NTRK3: variants seen among roughly 807,000 people sequenced by gnomAD.
NTRK3 encodes the protein NT-3 growth factor receptor.
In NTRK3, 24 loss-of-function variants were observed where a neutral mutation model predicts 91.7. The ratio of observed to expected loss-of-function variants is 0.26; its 90% CI spans 0.19 to 0.37. The LOEUF is 0.37. Ranked by LOEUF, NTRK3 falls within the 10% of genes least tolerant of loss-of-function variation. The probability of loss-of-function intolerance (pLI) is 1.00; values close to 1 mark genes in which losing one functional copy is unlikely to be tolerated. For synonymous variants in NTRK3, 483 were observed against 404.0 expected, an observed-to-expected ratio of 1.20 and a Z score of -2.34; for missense variants, 880 against 1,068.9, an observed-to-expected ratio of 0.82 and a Z score of 2.46.
rs114218219 is a variant in NTRK3 at position 88,196,084 on chromosome 15, T to A, written c.249-11785A>T. On this transcript the variant is annotated intron_variant, in intron 3 of 18. Transcript: ENST00000394480. The stretch of plus-strand genomic sequence containing the variant: ...CTCAAGTGCATTGCATAAAGACTTA[T>A]GAGGGCAATATTTTCGCCCATTAAA... 5.5e-3 allele frequency among the ~76,000 whole-genome samples: 834 copies of A among 152,344 alleles called. 10 individuals are homozygous for A. Among genetic ancestry groups the A allele is most frequent in the African/African-American group, 0.019 (783 of 41,584 alleles).
At chr15:88,093,902 A>G (rs926818414) in intron 13 of NTRK3, among the ~76,000 whole-genome samples, 1 of 152,166 alleles carries the variant, frequency 6.6e-6, no homozygotes, top group Admixed American at 6.5e-5. Context: ...GACTGTCTCA[A>G]CAGCACGAGG....
At chr15:88,004,311 T>C (rs2076332701) in intron 14 of NTRK3, among the ~76,000 whole-genome samples, 1 of 152,072 alleles carries the variant, frequency 6.6e-6, no homozygotes, top group South Asian at 2.1e-4. Context: ...ACAAAAGTTA[T>C]AAACTATAGG....
At chr15:88,075,463 G>A (rs561423970) in intron 13 of NTRK3, among the ~76,000 whole-genome samples, 48 of 152,200 alleles carry the variant, frequency 3.2e-4, no homozygotes, top group South Asian at 8.3e-4. Flanking sequence ...AATAGACAAC[G>A]CCCTGAAAGG....
intron 17 of NTRK3, among the ~76,000 whole-genome samples, chr15:87,916,033 A>C (rs2067424947): frequency 6.6e-6 from 1 of 152,160 alleles, no homozygotes; most frequent in Non-Finnish European, 1.5e-5. Flanking sequence ...AAAACAACCG[A>C]GAGTAAAAAC....
chr15:88,072,255 C>A (rs1322800133), intron 13 of NTRK3, among the ~76,000 whole-genome samples: 2 of 152,092 alleles, frequency 1.3e-5, no homozygotes, highest in Non-Finnish European at 2.9e-5. Context: ...CCGACTGCCT[C>A]AGCCTCCCAA....
chr15:87,883,513 A>G (rs1323445755), intron 17 of NTRK3, among the ~76,000 whole-genome samples: 1 of 151,130 alleles, frequency 6.6e-6, no homozygotes, highest in Non-Finnish European at 1.5e-5. Flanking sequence ...GATCAAGAAG[A>G]CAACATAAAT....
chr15:87,995,137 G>T (rs188567914), intron 14 of NTRK3, among the ~76,000 whole-genome samples: 1 of 152,276 alleles, frequency 6.6e-6, no homozygotes, highest in East Asian at 1.9e-4. Context: ...AAATTCATAG[G>T]AATTACACAC....
chr15:87,916,083 C>G (rs2067428366), intron 17 of NTRK3, among the ~76,000 whole-genome samples: 1 of 151,956 alleles, frequency 6.6e-6, no homozygotes, highest in Non-Finnish European at 1.5e-5. Context: ...TTGTATTGAC[C>G]CAGTCTTCTG....
intron 3 of NTRK3, among the ~76,000 whole-genome samples, chr15:88,214,811 C>CG (rs777059683): frequency 2.6e-5 from 4 of 152,202 alleles, no homozygotes; most frequent in Non-Finnish European, 5.9e-5. Context: ...GTCCCATAAC[C>CG]GGCTGGGCAC....
chr15:87,976,725 G>A (rs2073752485), intron 14 of NTRK3, among the ~76,000 whole-genome samples: 1 of 152,164 alleles, frequency 6.6e-6, no homozygotes, highest in Non-Finnish European at 1.5e-5. Context: ...AACTTGCCAT[G>A]AGAGTGTGGC....
At chr15:87,908,227 G>A (rs772947462) in intron 17 of NTRK3, among the ~76,000 whole-genome samples, 2 of 152,244 alleles carry the variant, frequency 1.3e-5, no homozygotes, top group East Asian at 3.9e-4. Flanking sequence ...CGGCTCTCCC[G>A]GCTGTGCACC....
intron 13 of NTRK3, among the ~76,000 whole-genome samples, chr15:88,111,607 C>T (rs894134150): frequency 3.3e-5 from 5 of 152,094 alleles, no homozygotes; most frequent in Non-Finnish European, 5.9e-5. Context: ...CCCTAAGGTT[C>T]CCAGCAGCCC....
intron 17 of NTRK3, among the ~76,000 whole-genome samples, chr15:87,913,593 T>C (rs1447249750): frequency 6.6e-6 from 1 of 152,190 alleles, no homozygotes; most frequent in Non-Finnish European, 1.5e-5. Flanking sequence ...ACTTGAAATC[T>C]ATTAATATGT....
chr15:88,256,340 ACGCCGC>A (rs542135987), exon 2 of NTRK3: 126 of 637,954 alleles, frequency 2.0e-4, no homozygotes, highest in African/African-American at 2.0e-3. Flanking sequence ...ACCATCGCGG[ACGCCGC>A]CGCCGCCGCC....
At chr15:87,885,564 G>A (rs956805848) in intron 17 of NTRK3, 130 bp downstream of exon 18, 9 of 458,904 alleles carry the variant, frequency 2.0e-5, no homozygotes, top group Non-Finnish European at 2.3e-5. Context: ...TTTATTAATG[G>A]AACAAACTAG....
At chr15:87,979,316 A>C (rs764977297) in intron 14 of NTRK3, 1 of 1,503,180 alleles carries the variant, frequency 6.7e-7, no homozygotes, top group Non-Finnish European at 9.3e-7. Flanking sequence ...CCAAGGTGAC[A>C]TCAAAACAAG....
intron 13 of NTRK3, among the ~76,000 whole-genome samples, chr15:88,117,738 A>C (rs1259865684): frequency 6.6e-6 from 1 of 152,264 alleles, no homozygotes; most frequent in Non-Finnish European, 1.5e-5. Context: ...AACAGAGTTC[A>C]TCCAAGAGAA....
rs557235252 is a variant in NTRK3, at chr15:87,913,235, G to A, written c.2133+15956C>T. Among the ~76,000 whole-genome samples, 51 of 152,014 alleles carry A rather than the reference G, an allele frequency of 3.4e-4. No homozygotes were observed. In the East Asian group the frequency reaches 8.8e-3, roughly 26 times the overall value. Reference sequence around the variant, plus strand: ...ATGCTAGTCTCATTTATGTGATGGGGAAATTAGCCCCAGTAAAGCAGATCC... The same window carrying A: ...ATGCTAGTCTCATTTATGTGATGGGAAAATTAGCCCCAGTAAAGCAGATCC... On this transcript the variant is annotated intron_variant, in intron 17 of 18. Transcript: ENST00000394480.
At chr15:88,034,090 C>T (rs1234628349) in intron 13 of NTRK3, among the ~76,000 whole-genome samples, 2 of 152,114 alleles carry the variant, frequency 1.3e-5, no homozygotes, top group African/African-American at 4.8e-5. Context: ...CACCAGACTC[C>T]CAGGGGAGTA....
Sources: allele counts gnomAD v4.1 joint callset (sites outside exome capture counted in the v4.1 genomes callset), GRCh38; gene constraint gnomAD v4.1.1; transcripts MANE v1.5; gene names NCBI Gene and HGNC (gene_info 2026-07-23, HGNC 2026-07-21).